ZBTB44: variants seen among roughly 807,000 people sequenced by gnomAD.
ZBTB44 encodes the protein zinc finger and BTB domain containing 44.
A neutral mutation model predicts 54.0 loss-of-function variants in ZBTB44; 15 were observed. The observed-to-expected ratio is 0.28, with a 90% CI of 0.19 to 0.43. The LOEUF is 0.43. ZBTB44 is among the 20% of genes least tolerant of loss of function. The probability of loss-of-function intolerance (pLI) is 1.00; values close to 1 mark genes in which losing one functional copy is unlikely to be tolerated. For missense variants in ZBTB44, 487 were observed against 707.1 expected (o/e 0.69, Z 3.53); for synonymous variants, 230 against 250.1 (o/e 0.92, Z 0.76).
chr11:130,270,194 A>C (rs1256513728), intron 1 of ZBTB44, among the ~76,000 whole-genome samples: 1 of 152,242 alleles, frequency 6.6e-6, no homozygotes, highest in Non-Finnish European at 1.5e-5. Flanking sequence ...GCCACATCTC[A>C]AAACTGGAAG....
intron 1 of ZBTB44, among the ~76,000 whole-genome samples, chr11:130,284,428 T>C (rs527695063): frequency 2.0e-5 from 3 of 152,344 alleles, no homozygotes; most frequent in South Asian, 4.1e-4. Flanking sequence ...TGGTGGCATA[T>C]ACTTGTGCTA....
chr11:130,307,424 C>CAAA (rs35105255), intron 1 of ZBTB44, among the ~76,000 whole-genome samples: 1 of 137,566 alleles, frequency 7.3e-6, no homozygotes, highest in Non-Finnish European at 1.6e-5. Flanking sequence ...GACTCTGTCT[C>CAAA]AAAAAAAAAA....
At chr11:130,309,062 T>C (rs1942435072) in intron 1 of ZBTB44, among the ~76,000 whole-genome samples, 1 of 152,186 alleles carries the variant, frequency 6.6e-6, no homozygotes, top group Non-Finnish European at 1.5e-5. Context: ...AAATGCAAGT[T>C]AGCTCACTGC....
At chr11:130,313,946 GTGTATA>G (rs754643256) in intron 1 of ZBTB44, among the ~76,000 whole-genome samples, 26 of 60,024 alleles carry the variant, frequency 4.3e-4, no homozygotes, top group African/African-American at 7.6e-4. Context: ...GTTTGTGTGT[GTGTATA>G]TATATATATA....
Position 130,266,839 on chromosome 11 carries a change from T to G in ZBTB44, c.-56-4910A>C, listed in dbSNP as rs564967726. 9.9e-5 allele frequency among the ~76,000 whole-genome samples: 15 copies of G among 152,246 alleles called. No individual in the cohort carries two copies. In the South Asian group the frequency reaches 2.7e-3, roughly 27 times the overall value. On this transcript the variant is annotated intron_variant, in intron 1 of 7. Transcript: ENST00000357899. ...AAGACAGTGGTTTCTTGAGTTGGAG[T>G]CTACTCCTGGTGAAGATACTAGGAA...
In ZBTB44 at chr11:130,296,513, G is replaced by A. The variant is rs1302142876; in HGVS notation, c.-57+17862C>T. On this transcript the variant is annotated intron_variant, in intron 1 of 7. Transcript: ENST00000357899. ...TACGGATGTGGTGGCAAGAGGACTGGACATTCCTCAAGTCAACTGGATTGT... is the reference window on the plus strand; with the variant it reads ...TACGGATGTGGTGGCAAGAGGACTGAACATTCCTCAAGTCAACTGGATTGT... 1.7e-5 allele frequency: 15 copies of A among 900,890 alleles called. No homozygotes were observed. In the East Asian group the frequency reaches 3.6e-4, roughly 22 times the overall value. The allele number at this position is 900,890 out of a possible 1,614,324, so 55.8% of individuals were successfully genotyped here.
chr11:130,233,014 A>T, intron 7 of ZBTB44: 2 of 281,846 alleles, frequency 7.1e-6, no homozygotes. Flanking sequence ...TTAAAAAAAA[A>T]GAAAAAAAAA....
intron 1 of ZBTB44, among the ~76,000 whole-genome samples, chr11:130,308,135 T>C (rs1358557199): frequency 5.3e-5 from 8 of 152,220 alleles, no homozygotes; most frequent in Non-Finnish European, 1.2e-4. Flanking sequence ...AGTAACATGC[T>C]GTACAGATAC....
chr11:130,243,819 C>T (rs1164523352), intron 2 of ZBTB44, among the ~76,000 whole-genome samples: 3 of 152,120 alleles, frequency 2.0e-5, no homozygotes, highest in African/African-American at 7.2e-5. Flanking sequence ...TTGTGTTGCT[C>T]CATATCCTTA....
intron 1 of ZBTB44, among the ~76,000 whole-genome samples, chr11:130,278,687 C>T (rs1416886165): frequency 6.6e-6 from 1 of 152,162 alleles, no homozygotes; most frequent in African/African-American, 2.4e-5. Flanking sequence ...ATTCACTAAA[C>T]CCATCTTCTG....
chr11:130,286,453 A>C (rs1367310163), intron 1 of ZBTB44, among the ~76,000 whole-genome samples: 3 of 152,194 alleles, frequency 2.0e-5, no homozygotes, highest in Non-Finnish European at 4.4e-5. Context: ...TCACACTATA[A>C]CTACTCAATT....
chr11:130,309,665 C>A (rs1009997357), intron 1 of ZBTB44, among the ~76,000 whole-genome samples: 2 of 151,960 alleles, frequency 1.3e-5, no homozygotes, highest in African/African-American at 4.8e-5. Context: ...GAGGCCGAGG[C>A]AGGTGAATCA....
chr11:130,264,761 T>G (rs996251051), intron 1 of ZBTB44, among the ~76,000 whole-genome samples: 28 of 152,322 alleles, frequency 1.8e-4, no homozygotes, highest in African/African-American at 6.3e-4. Context: ...CAAATATATT[T>G]TGGATACAGA....
At chr11:130,276,646 G>A (rs1228540272) in intron 1 of ZBTB44, among the ~76,000 whole-genome samples, 1 of 152,004 alleles carries the variant, frequency 6.6e-6, no homozygotes, top group African/African-American at 2.4e-5. Flanking sequence ...TGATGGCCAG[G>A]CTGGTCTCAA....
chr11:130,283,562 T>C (rs1252268554), intron 1 of ZBTB44, among the ~76,000 whole-genome samples: 1 of 152,218 alleles, frequency 6.6e-6, no homozygotes, highest in Non-Finnish European at 1.5e-5. Flanking sequence ...TAAATTTATA[T>C]CAAAAGATTT....
intron 1 of ZBTB44, among the ~76,000 whole-genome samples, chr11:130,301,653 G>A (rs540795306): frequency 2.3e-4 from 35 of 152,226 alleles, no homozygotes; most frequent in Admixed American, 4.6e-4. Flanking sequence ...AATTGAGCCA[G>A]ATTCTGTCTC....
chr11:130,285,379 C>G (rs1296376636), intron 1 of ZBTB44: 2 of 151,722 alleles, frequency 1.3e-5, no homozygotes, highest in Non-Finnish European at 2.9e-5. Flanking sequence ...GCAACCTCCG[C>G]TTCCCGGGTT....
At chr11:130,304,708 C>T (rs181413306) in intron 1 of ZBTB44, among the ~76,000 whole-genome samples, 1 of 152,232 alleles carries the variant, frequency 6.6e-6, no homozygotes, top group Admixed American at 6.5e-5. Flanking sequence ...CCTGAAAGTA[C>T]AGTCCTAAGA....
At chr11:130,272,535 C>T (rs967287253) in intron 1 of ZBTB44, among the ~76,000 whole-genome samples, 2 of 152,210 alleles carry the variant, frequency 1.3e-5, no homozygotes, top group Non-Finnish European at 2.9e-5. Flanking sequence ...TATTTTCTCT[C>T]ATTCTGTGGG....
Sources: allele counts gnomAD v4.1 joint callset (sites outside exome capture counted in the v4.1 genomes callset), GRCh38; gene constraint gnomAD v4.1.1; transcripts MANE v1.5; gene names NCBI Gene and HGNC (gene_info 2026-07-23, HGNC 2026-07-21).